The following COG5 variants were observed in gnomAD, a reference collection of about 807,000 sequenced individuals.
The protein encoded by COG5 is component of oligomeric golgi complex 5.
A neutral mutation model predicts 110.4 loss-of-function variants in COG5; 86 were observed. The observed-to-expected ratio is 0.78, with a 90% confidence interval of 0.65 to 0.93. The LOEUF (loss-of-function observed/expected upper bound fraction) is 0.93. COG5 is among the 40% of genes least tolerant of loss of function. COG5 has a pLI of 0.00. For synonymous variants in COG5, 360 were observed against 334.6 expected (o/e 1.08, Z -0.83); for missense variants, 1,077 against 987.0 (o/e 1.09, Z -1.22).
rs564514300 is a variant in COG5 at position 107,264,184 on chromosome 7, G to A, written c.1576-5801C>T. On this transcript the variant is annotated intron_variant, in intron 14 of 21. Transcript: ENST00000297135. ...CAATAATCAATTGTGGCCCTGTTAT[G>A]GTCTCTCAACATTGCACTCCAGGCA... 6.6e-5 allele frequency among the ~76,000 whole-genome samples: 10 copies of A among 152,034 alleles called. 3 individuals are homozygous for A. The highest frequency in any genetic ancestry group is 2.4e-4 in the African/African-American group (10 of 41,468).
At chr7:107,395,002 T>A (rs1790884793) in intron 7 of COG5, among the ~76,000 whole-genome samples, 1 of 152,246 alleles carries the variant, frequency 6.6e-6, no homozygotes, top group Non-Finnish European at 1.5e-5. Flanking sequence ...TGCTCTGCTG[T>A]TATAGTCATG....
At position 107,442,937 on chromosome 7, in the gene COG5, G is replaced by A. The variant is rs192845634; in HGVS notation, c.539-30305C>T. On this transcript the variant is annotated intron_variant, in intron 6 of 21. Transcript: ENST00000297135. The stretch of plus-strand genomic sequence containing the variant: ...CATCCTAATCTCTTTCCAAGCTTGA[G>A]AGGAGTCTATAATAATGTTTAAAAG... Among the ~76,000 whole-genome samples the A allele has an allele frequency of 7.2e-5, 11 of 152,268 alleles. 1 individual carries two copies. In the East Asian group the frequency reaches 1.9e-3, roughly 27 times the overall value.
chr7:107,210,482 G>C (rs1263008082), intron 21 of COG5, 44 bp downstream of exon 21: 1 of 1,563,688 alleles, frequency 6.4e-7, no homozygotes, highest in South Asian at 1.2e-5. Context: ...CACCCTCCTT[G>C]GGCTTCCAGA....
At chr7:107,374,415 T>C (rs1227846091) in intron 7 of COG5, among the ~76,000 whole-genome samples, 1 of 152,088 alleles carries the variant, frequency 6.6e-6, no homozygotes, top group East Asian at 1.9e-4. Context: ...TAAAACTATA[T>C]TTATTGCCTT....
intron 6 of COG5, among the ~76,000 whole-genome samples, chr7:107,482,246 G>T (rs917370618): frequency 6.6e-6 from 1 of 151,592 alleles, no homozygotes; most frequent in Non-Finnish European, 1.5e-5. Flanking sequence ...AGGCTCAAGC[G>T]ATTCTCACAC....
At chr7:107,218,780 GAA>G (rs1799698533) in intron 19 of COG5, among the ~76,000 whole-genome samples, 1 of 151,958 alleles carries the variant, frequency 6.6e-6, no homozygotes, top group Non-Finnish European at 1.5e-5. Context: ...AACATAGGGG[GAA>G]ACTTCCATGA....
Position 107,338,166 on chromosome 7 carries a change from C to T in COG5, c.1027-13645G>A, listed in dbSNP as rs116264457. ...TAAGAAAAAAAAATCCTAAAATTCACATGAAGTCTCAAGGACCTCAAATAT... is the reference window on the plus strand; with the variant it reads ...TAAGAAAAAAAAATCCTAAAATTCATATGAAGTCTCAAGGACCTCAAATAT... On this transcript the variant is annotated intron_variant, in intron 10 of 21. Transcript: ENST00000297135. Among the ~76,000 whole-genome samples the T allele has an allele frequency of 5.4e-3, 827 of 152,260 alleles. 9 individuals carry two copies. The highest frequency in any genetic ancestry group is 0.019 in the African/African-American group (804 of 41,548).
At chr7:107,324,785 G>A (rs184074620) in intron 10 of COG5, among the ~76,000 whole-genome samples, 6 of 152,104 alleles carry the variant, frequency 3.9e-5, no homozygotes, top group African/African-American at 1.4e-4. Flanking sequence ...GCCATTCAGG[G>A]CCTTTGTTCT....
chr7:107,438,583 A>C (rs1274468836), intron 6 of COG5, among the ~76,000 whole-genome samples: 1 of 152,188 alleles, frequency 6.6e-6, no homozygotes, highest in Non-Finnish European at 1.5e-5. Flanking sequence ...TCTCCCAACT[A>C]CAAACTTAGG....
At chr7:107,359,883 T>C (rs554881796) in intron 10 of COG5, among the ~76,000 whole-genome samples, 3 of 151,058 alleles carry the variant, frequency 2.0e-5, no homozygotes. Flanking sequence ...GTCTCCTCTC[T>C]ACTGAAGACT....
intron 7 of COG5, among the ~76,000 whole-genome samples, chr7:107,398,185 C>T (rs1300055229): frequency 1.3e-5 from 2 of 152,164 alleles, no homozygotes; most frequent in African/African-American, 4.8e-5. Flanking sequence ...GAAAAGACAG[C>T]ATTATTCATA....
chr7:107,437,714 A>G (rs2129084132), intron 6 of COG5, among the ~76,000 whole-genome samples: 1 of 152,226 alleles, frequency 6.6e-6, no homozygotes. Context: ...GCATTTTTAA[A>G]CCATAATCAA....
chr7:107,404,757 G>T (rs1791686282), intron 7 of COG5, among the ~76,000 whole-genome samples: 1 of 152,026 alleles, frequency 6.6e-6, no homozygotes. Context: ...ATCTAGAGCA[G>T]AGGTGGTGTG....
chr7:107,408,539 G>A (rs1792031868), intron 7 of COG5, among the ~76,000 whole-genome samples: 1 of 152,260 alleles, frequency 6.6e-6, no homozygotes, highest in East Asian at 1.9e-4. Flanking sequence ...GCTGTAAAAG[G>A]GTCCAGATAT....
rs575723486 is a variant in COG5, at chr7:107,517,069, A to C, written c.538+10168T>G. On this transcript the variant is annotated intron_variant, in intron 6 of 21. Transcript: ENST00000297135. ...AATTACAAACTCTGCTGAGCTAAAG[A>C]AGCATGTTCTAACCCAATGCAAAGA... is the stretch of plus-strand genomic sequence containing the variant. 5.3e-5 allele frequency among the ~76,000 whole-genome samples: 8 copies of C among 152,296 alleles called. No homozygotes were observed. In the South Asian group the frequency reaches 1.7e-3, roughly 32 times the overall value.
chr7:107,492,652 A>G (rs909454836), intron 6 of COG5, among the ~76,000 whole-genome samples: 4 of 152,138 alleles, frequency 2.6e-5, no homozygotes, highest in African/African-American at 9.7e-5. Flanking sequence ...TTTCATCTTC[A>G]AAGCCAACAA....
Position 107,474,630 on chromosome 7 carries a change from G to A in COG5, c.538+52607C>T, listed in dbSNP as rs1385869782. On this transcript the variant is annotated intron_variant, in intron 6 of 21. Coordinates refer to ENST00000297135, the MANE Select transcript of COG5 (RefSeq NM_006348.5). The surrounding 1 kb of genome is among the most constrained non-coding windows in gnomAD (Gnocchi z 5.7). ...TCAGTCTTCAAAGTGGAAATACCTG[G>A]GAAAACAAGACACTTTTATGTGTCA... 6.2e-7 allele frequency: 1 copy of A among 1,610,478 alleles called. No individual in the cohort carries two copies.
At chr7:107,211,361 C>A in intron 19 of COG5, 136 bp from the exon 20 acceptor site, 1 of 961,368 alleles carries the variant, frequency 1.0e-6, no homozygotes, top group Non-Finnish European at 1.6e-6. Flanking sequence ...CTTAACCACT[C>A]TATTCAGCCT....
chr7:107,419,476 TAAAAG>T (rs904999807), intron 6 of COG5, among the ~76,000 whole-genome samples: 4 of 148,132 alleles, frequency 2.7e-5, no homozygotes, highest in East Asian at 2.0e-4. Context: ...ATAGTAAAAA[TAAAAG>T]AAAAAGAAAA....
Sources: allele counts gnomAD v4.1 joint callset (sites outside exome capture counted in the v4.1 genomes callset), GRCh38; gene constraint gnomAD v4.1.1; non-coding constraint Gnocchi (gnomAD v3.1); transcripts MANE v1.5; gene names NCBI Gene and HGNC (gene_info 2026-07-23, HGNC 2026-07-21).